The following LIN7A variants were observed in gnomAD, a reference collection of about 807,000 sequenced individuals.
LIN7A encodes lin-7 cell polarity scaffold A, also known as protein lin-7 homolog A.
LIN7A carries 25 observed loss-of-function variants against 29.8 expected under a neutral mutation model. The ratio of observed to expected loss-of-function variants is 0.84; its 90% confidence interval spans 0.61 to 1.17. The LOEUF (loss-of-function observed/expected upper bound fraction) is 1.17, where lower values mean the gene tolerates loss of function less well. LIN7A is among the 50% of genes most tolerant of loss of function. LIN7A has a pLI of 0.00. For missense variants in LIN7A, 239 were observed against 287.0 expected (o/e 0.83, Z 1.21); for synonymous variants, 118 against 107.5 (o/e 1.10, Z -0.60).
intron 4 of LIN7A, among the ~76,000 whole-genome samples, chr12:80,834,168 T>C (rs1221976362): frequency 6.6e-6 from 1 of 152,172 alleles, no homozygotes; most frequent in Non-Finnish European, 1.5e-5. Context: ...ACCACATATA[T>C]AGTGATTAGT....
intron 4 of LIN7A, among the ~76,000 whole-genome samples, chr12:80,815,866 G>C (rs1565887720): frequency 6.6e-6 from 1 of 152,124 alleles, no homozygotes; most frequent in African/African-American, 2.4e-5. Flanking sequence ...TATTAAGAAG[G>C]TGAGGAGTGA....
intron 2 of LIN7A, among the ~76,000 whole-genome samples, chr12:80,870,963 C>A (rs1166981294): frequency 1.3e-5 from 2 of 152,216 alleles, no homozygotes; most frequent in South Asian, 2.1e-4. Context: ...TATTTGTATA[C>A]CTCAGGGAAA....
intron 4 of LIN7A, among the ~76,000 whole-genome samples, chr12:80,836,061 G>A (rs1565895566): frequency 6.6e-6 from 1 of 152,172 alleles, no homozygotes; most frequent in Non-Finnish European, 1.5e-5. Context: ...GGATGTATTA[G>A]AGACTCTTGG....
At chr12:80,913,125 TC>T (rs1472717600) in intron 1 of LIN7A, among the ~76,000 whole-genome samples, 2 of 152,194 alleles carry the variant, frequency 1.3e-5, no homozygotes, top group African/African-American at 4.8e-5. Context: ...GAGCTTACCG[TC>T]TGTTCCTTAT....
intron 5 of LIN7A, among the ~76,000 whole-genome samples, chr12:80,805,623 C>G (rs1452780805): frequency 6.6e-6 from 1 of 151,962 alleles, no homozygotes; most frequent in East Asian, 1.9e-4. Context: ...TTTTGAGAAT[C>G]TGGGTGAAAT....
chr12:80,847,978 A>G, intron 3 of LIN7A: 1 of 515,332 alleles, frequency 1.9e-6, no homozygotes, highest in Non-Finnish European at 3.6e-6. Context: ...ATAGTATTTC[A>G]CACAATGAAC....
At position 80,808,294 on chromosome 12, in the gene LIN7A, C is replaced by A. The variant is rs186632575; in HGVS notation, c.*3171G>T. 8.8e-3 allele frequency among the ~76,000 whole-genome samples: 1,338 copies of A among 152,198 alleles called. 6 individuals carry two copies. The highest frequency in any genetic ancestry group is 0.014 in the Non-Finnish European group (942 of 68,004). ...CTACCAAGCAGTTCTCTATTTAAACCCCCTATTTTTACTCTGCAAAGTACT... is the reference window on the plus strand; with the variant it reads ...CTACCAAGCAGTTCTCTATTTAAACACCCTATTTTTACTCTGCAAAGTACT... On this transcript the variant is annotated intron_variant, in intron 5 of 5. Coordinates refer to ENST00000552864, the MANE Select transcript of LIN7A (RefSeq NM_004664.4).
chr12:80,833,441 C>A lies in LIN7A; in HGVS notation c.483+12289G>T, dbSNP rs771501200. On this transcript the variant is annotated intron_variant, in intron 4 of 5. Coordinates refer to ENST00000552864, the MANE Select transcript of LIN7A (RefSeq NM_004664.4). ...CTTCCAGTTAAGACCTCCACCATGT[C>A]CCTCCAGAACTTCTAAGAGTGTCCT... is the stretch of plus-strand genomic sequence containing the variant. 7.2e-4 allele frequency among the ~76,000 whole-genome samples: 110 copies of A among 152,350 alleles called. No individual in the cohort carries two copies. In the Middle Eastern group the frequency reaches 0.014, roughly 19 times the overall value.
chr12:80,899,829 C>T (rs1876112956), intron 1 of LIN7A, among the ~76,000 whole-genome samples: 1 of 131,908 alleles, frequency 7.6e-6, no homozygotes, highest in East Asian at 2.3e-4. Context: ...AGTGCAGTGG[C>T]GCGATCTCCA....
At chr12:80,835,471 A>C (rs1206544076) in intron 4 of LIN7A, among the ~76,000 whole-genome samples, 2 of 152,182 alleles carry the variant, frequency 1.3e-5, no homozygotes, top group Non-Finnish European at 1.5e-5. Flanking sequence ...AAATTAGAGT[A>C]TTTAATGGGG....
chr12:80,807,256 G>A (rs1444273484), intron 5 of LIN7A, among the ~76,000 whole-genome samples: 2 of 151,876 alleles, frequency 1.3e-5, no homozygotes, highest in East Asian at 3.9e-4. Flanking sequence ...ATTTTTAGTA[G>A]AGACGGGGTT....
At chr12:80,884,746 A>G (rs1875240679) in intron 2 of LIN7A, among the ~76,000 whole-genome samples, 2 of 152,160 alleles carry the variant, frequency 1.3e-5, no homozygotes, top group African/African-American at 4.8e-5. Context: ...CTTATTCTAT[A>G]CTTCTACTAC....
chr12:80,852,918 G>T (rs1384574601), intron 2 of LIN7A, among the ~76,000 whole-genome samples: 2 of 152,092 alleles, frequency 1.3e-5, no homozygotes, highest in Non-Finnish European at 2.9e-5. Flanking sequence ...TTACTCTCGT[G>T]GTGCAAGTGC....
At chr12:80,908,815 T>C (rs949654270) in intron 1 of LIN7A, among the ~76,000 whole-genome samples, 2 of 152,062 alleles carry the variant, frequency 1.3e-5, no homozygotes, top group African/African-American at 4.8e-5. Flanking sequence ...TACAAATCTT[T>C]TATTCGTTTT....
At chr12:80,907,265 A>C (rs535592895) in intron 1 of LIN7A, among the ~76,000 whole-genome samples, 1 of 152,146 alleles carries the variant, frequency 6.6e-6, no homozygotes, top group African/African-American at 2.4e-5. Context: ...TGTGTGCAGT[A>C]ACACCCTTTT....
At chr12:80,900,094 C>T (rs1398751304) in intron 1 of LIN7A, among the ~76,000 whole-genome samples, 2 of 152,034 alleles carry the variant, frequency 1.3e-5, no homozygotes, top group Non-Finnish European at 2.9e-5. Flanking sequence ...TTTTGTATTC[C>T]TGTGGAGATG....
chr12:80,884,133 G>A (rs1163678), intron 2 of LIN7A, among the ~76,000 whole-genome samples: 103,275 of 152,108 alleles, frequency 0.68, 39,094 homozygotes, highest in Non-Finnish European at 0.87. Flanking sequence ...ATTGTGAACC[G>A]TCTAATGGCT....
At chr12:80,912,026 GA>G (rs1246698814) in intron 1 of LIN7A, among the ~76,000 whole-genome samples, 1 of 151,746 alleles carries the variant, frequency 6.6e-6, no homozygotes, top group African/African-American at 2.4e-5. Context: ...TAACAGATAA[GA>G]AAAAATTTAA....
At chr12:80,810,580 T>C (rs1469815253) in intron 5 of LIN7A, among the ~76,000 whole-genome samples, 4 of 152,188 alleles carry the variant, frequency 2.6e-5, no homozygotes, top group African/African-American at 9.7e-5. Context: ...CTTTGACATA[T>C]TGATTTCAAT....
Sources: allele counts gnomAD v4.1 joint callset (sites outside exome capture counted in the v4.1 genomes callset), GRCh38; gene constraint gnomAD v4.1.1; transcripts MANE v1.5; gene names NCBI Gene and HGNC (gene_info 2026-07-23, HGNC 2026-07-21).